The following RBFOX1 variants were observed in gnomAD, a reference collection of about 807,000 sequenced individuals.
RBFOX1 encodes RNA binding protein fox-1 homolog 1.
Under a neutral mutation model 57.7 loss-of-function variants are expected in RBFOX1, and 8 were observed. The observed-to-expected ratio is 0.14, with a 90% CI of 0.08 to 0.25. The LOEUF (loss-of-function observed/expected upper bound fraction) is 0.25. Among genes scored for constraint, RBFOX1 ranks in the 10% least tolerant of loss-of-function variants. The pLI, the probability that RBFOX1 is intolerant of heterozygous loss-of-function variation, is 1.00. For synonymous variants in RBFOX1, 326 were observed against 222.4 expected (o/e 1.47, Z -4.15); for missense variants, 611 against 548.5 (o/e 1.11, Z -1.14).
chr16:5,599,067 G>A, exon 3 of RBFOX1: 1 of 1,029,142 alleles, frequency 9.7e-7, no homozygotes, highest in Non-Finnish European at 1.5e-6. Flanking sequence ...GTTTTTACCT[G>A]AAACTGATCT....
intron 3 of RBFOX1, among the ~76,000 whole-genome samples, chr16:6,774,247 C>G (rs923903500): frequency 6.6e-6 from 1 of 152,048 alleles, no homozygotes; most frequent in African/African-American, 2.4e-5. Flanking sequence ...TGAAAGGAAG[C>G]TTTTGAGGAA....
chr16:7,243,447 C>G (rs2094155015), intron 4 of RBFOX1, among the ~76,000 whole-genome samples: 1 of 152,140 alleles, frequency 6.6e-6, no homozygotes, highest in Admixed American at 6.6e-5. Context: ...TTGACATTAT[C>G]TTTGTTTGTA....
rs150431483 is a variant in RBFOX1, at chr16:7,470,820, C to A, written c.28-47327C>A. Among the ~76,000 whole-genome samples the A allele has an allele frequency of 3.3e-5, 5 of 151,718 alleles. No individual in the cohort carries two copies. In the East Asian group the frequency reaches 9.7e-4, roughly 29 times the overall value. On this transcript the variant is annotated intron_variant, in intron 4 of 15. Transcript: ENST00000550418. ...GGTCATGTGATGATAAACAAGAGTT[C>A]AGGGCAAAGAAAACACACCAGGTTA...
intron 4 of RBFOX1, among the ~76,000 whole-genome samples, chr16:7,403,848 C>T (rs1597555080): frequency 1.3e-5 from 2 of 151,364 alleles, no homozygotes; most frequent in South Asian, 4.2e-4. Flanking sequence ...GCCGGGGCTC[C>T]TTGTTTTCTT....
chr16:6,398,163 G>T (rs2092917810), intron 2 of RBFOX1, among the ~76,000 whole-genome samples: 1 of 152,080 alleles, frequency 6.6e-6, no homozygotes, highest in African/African-American at 2.4e-5. Context: ...GATCTCATGA[G>T]AACTCACCAT....
At chr16:5,822,985 C>CCT (rs2151808588) in intron 3 of RBFOX1, among the ~76,000 whole-genome samples, 1 of 152,290 alleles carries the variant, frequency 6.6e-6, no homozygotes, top group South Asian at 2.1e-4. Context: ...TCTTAGGGCA[C>CCT]CAAGCTGTAG....
chr16:6,265,517 C>T (rs149163331), intron 1 of RBFOX1, among the ~76,000 whole-genome samples: 8 of 152,324 alleles, frequency 5.3e-5, no homozygotes, highest in African/African-American at 1.7e-4. Flanking sequence ...CCACCTCGGC[C>T]TCCCAGAGTG....
At chr16:6,527,882 A>G (rs1475542700) in intron 2 of RBFOX1, among the ~76,000 whole-genome samples, 1 of 152,196 alleles carries the variant, frequency 6.6e-6, no homozygotes, top group South Asian at 2.1e-4. Flanking sequence ...CAAAAGAGTG[A>G]CCACACCCCT....
intron 9 of RBFOX1, among the ~76,000 whole-genome samples, chr16:7,603,141 C>T (rs1391662177): frequency 6.6e-6 from 1 of 152,078 alleles, no homozygotes; most frequent in Non-Finnish European, 1.5e-5. Context: ...ACTAAGCAAC[C>T]GGGACAACAG....
At chr16:6,622,927 C>T (rs1253528656) in intron 2 of RBFOX1, among the ~76,000 whole-genome samples, 5 of 152,320 alleles carry the variant, frequency 3.3e-5, no homozygotes, top group Non-Finnish European at 5.9e-5. Flanking sequence ...CTAGTTAATG[C>T]ACTTAATTCT....
At chr16:5,732,504 G>A (rs1456538871) in intron 3 of RBFOX1, among the ~76,000 whole-genome samples, 4 of 152,174 alleles carry the variant, frequency 2.6e-5, no homozygotes, top group African/African-American at 9.7e-5. Flanking sequence ...GCAGAAATGA[G>A]AGATGGCTGC....
chr16:5,248,862 C>T (rs148870363), intron 1 of RBFOX1, among the ~76,000 whole-genome samples: 9 of 151,968 alleles, frequency 5.9e-5, no homozygotes, highest in East Asian at 1.9e-4. Context: ...TGTGTGGACA[C>T]CTATAATCCC....
chr16:6,695,070 A>G (rs958537764), intron 3 of RBFOX1, among the ~76,000 whole-genome samples: 6 of 152,168 alleles, frequency 3.9e-5, no homozygotes, highest in Admixed American at 2.0e-4. Flanking sequence ...GAACTTTTAG[A>G]TGAATGCTAT....
chr16:6,849,947 C>T (rs879317260), intron 3 of RBFOX1, among the ~76,000 whole-genome samples: 4 of 152,174 alleles, frequency 2.6e-5, no homozygotes, highest in Non-Finnish European at 5.9e-5. Context: ...GATTAGAAAG[C>T]TGGAGACTTT....
At chr16:7,460,752 G>A (rs756103666) in intron 4 of RBFOX1, among the ~76,000 whole-genome samples, 3 of 151,660 alleles carry the variant, frequency 2.0e-5, no homozygotes, top group African/African-American at 7.3e-5. Flanking sequence ...ATGAATGAAT[G>A]AATAGATAAA....
Position 7,465,256 on chromosome 16 carries a change from G to T in RBFOX1, c.28-52891G>T, listed in dbSNP as rs10468333. ...ACTTCCTTAGAGGATCCTCTGATAA[G>T]CCCAATTGAAGTACACACTCATTAC... On this transcript the variant is annotated intron_variant, in intron 4 of 15. Coordinates refer to ENST00000550418, the MANE Select transcript of RBFOX1 (RefSeq NM_018723.4). Among the ~76,000 whole-genome samples the T allele has an allele frequency of 8.5e-5, 13 of 152,098 alleles. No homozygotes were observed. In the South Asian group the frequency reaches 2.3e-3, roughly 27 times the overall value.
chr16:7,263,232 C>T (rs969055899), intron 4 of RBFOX1, among the ~76,000 whole-genome samples: 2 of 152,118 alleles, frequency 1.3e-5, no homozygotes, highest in Non-Finnish European at 2.9e-5. Flanking sequence ...ATATTCAGCA[C>T]CAGGAAGGTA....
rs71392459 is a variant in RBFOX1 at position 6,098,176 on chromosome 16, C to G, written c.-127+78184C>G. Among the ~76,000 whole-genome samples, 496 of 152,324 alleles carry G rather than the reference C, an allele frequency of 3.3e-3. 1 individual carries two copies. The highest frequency in any genetic ancestry group is 5.4e-3 in the Non-Finnish European group (365 of 68,026). On this transcript the variant is annotated intron_variant, in intron 1 of 15. Coordinates refer to ENST00000550418, the MANE Select transcript of RBFOX1 (RefSeq NM_018723.4). ...TCTACACACTTTGCAAACTTTACCTCATTAATCTTCCCCACCCTGGGAGGG... is the reference window on the plus strand; with the variant it reads ...TCTACACACTTTGCAAACTTTACCTGATTAATCTTCCCCACCCTGGGAGGG...
At chr16:5,913,847 C>T (rs1018408499) in intron 4 of RBFOX1, among the ~76,000 whole-genome samples, 1 of 152,188 alleles carries the variant, frequency 6.6e-6, no homozygotes, top group African/African-American at 2.4e-5. Flanking sequence ...CTATCATGTA[C>T]CAGACACCAT....
Sources: gnomAD v4.1 joint callset for allele counts (sites outside exome capture counted in the v4.1 genomes callset) on GRCh38, gnomAD v4.1.1 for gene constraint, MANE v1.5 for transcripts, NCBI Gene and HGNC (gene_info 2026-07-23, HGNC 2026-07-21) for gene names.